EYA2: variants seen among roughly 807,000 people sequenced by gnomAD.
EYA2 encodes the protein EYA transcriptional coactivator and phosphatase 2, also known as protein phosphatase EYA2.
EYA2 carries 31 observed loss-of-function variants against 69.2 expected under a neutral mutation model. That is an observed-to-expected ratio of 0.45 (90% CI 0.34 to 0.60). EYA2 has a LOEUF of 0.60. Among genes scored for constraint, EYA2 ranks in the 20% least tolerant of loss-of-function variants. The probability of loss-of-function intolerance (pLI) is 0.02; values close to 1 mark genes in which losing one functional copy is unlikely to be tolerated. For missense variants in EYA2, 622 were observed against 701.2 expected (o/e 0.89, Z 1.28); for synonymous variants, 257 against 279.4 (o/e 0.92, Z 0.80).
chr20:46,997,077 C>A (rs1409042762), intron 2 of EYA2, among the ~76,000 whole-genome samples: 2 of 152,032 alleles, frequency 1.3e-5, no homozygotes, highest in Admixed American at 1.3e-4. Flanking sequence ...TTCTGTTCCG[C>A]ACAGGTAGAG....
intron 1 of EYA2, among the ~76,000 whole-genome samples, chr20:46,975,602 G>A (rs543049735): frequency 2.0e-5 from 3 of 152,300 alleles, no homozygotes; most frequent in African/African-American, 4.8e-5. Flanking sequence ...ATGGGCCCTT[G>A]TTTTACATGC....
At chr20:46,976,718 A>G (rs918667769) in intron 1 of EYA2, among the ~76,000 whole-genome samples, 1 of 152,198 alleles carries the variant, frequency 6.6e-6, no homozygotes, top group Non-Finnish European at 1.5e-5. Context: ...CTTTCCAATC[A>G]GGGAGTAAAA....
intron 3 of EYA2, 59 bp from the exon 4 acceptor site, chr20:47,004,883 T>C (rs761217749): frequency 6.2e-7 from 1 of 1,613,308 alleles, no homozygotes; most frequent in East Asian, 2.2e-5. Context: ...GATATCAAGA[T>C]AAGGAAGAAG....
intron 11 of EYA2, 55 bp downstream of exon 11, chr20:47,169,252 T>G (rs1006853240): frequency 3.9e-6 from 6 of 1,546,682 alleles, no homozygotes; most frequent in Middle Eastern, 3.3e-4. Context: ...ATTATCAAGT[T>G]ATCCTTCTAC....
chr20:46,903,048 T>TGATA (rs1365760893), intron 1 of EYA2, among the ~76,000 whole-genome samples: 4 of 152,224 alleles, frequency 2.6e-5, no homozygotes, highest in Non-Finnish European at 4.4e-5. Flanking sequence ...CATTGCACAG[T>TGATA]GATAGGGGAA....
At chr20:46,950,845 A>G (rs1978752226) in intron 1 of EYA2, among the ~76,000 whole-genome samples, 1 of 152,212 alleles carries the variant, frequency 6.6e-6, no homozygotes, top group Non-Finnish European at 1.5e-5. Flanking sequence ...AGGTGACTCC[A>G]AGAAACACCA....
chr20:47,125,301 C>T (rs1271895334), intron 9 of EYA2, among the ~76,000 whole-genome samples: 3 of 151,942 alleles, frequency 2.0e-5, no homozygotes, highest in South Asian at 2.1e-4. Flanking sequence ...GTGATCCGCC[C>T]GCCTCGGCCT....
intron 9 of EYA2, among the ~76,000 whole-genome samples, chr20:47,116,036 G>A (rs998745189): frequency 1.3e-5 from 2 of 152,136 alleles, no homozygotes; most frequent in Non-Finnish European, 2.9e-5. Flanking sequence ...CCTTAGGGAC[G>A]CTTCCCAATC....
Position 47,183,400 on chromosome 20 carries a change from T to C in EYA2, c.1536+9T>C. Reference sequence around the variant, plus strand: ...AGCAAGGAGCGAAAAAGGTACTTCTTCCACCTCTCAGACTGCGTTTTCCTG... The same window carrying C: ...AGCAAGGAGCGAAAAAGGTACTTCTCCCACCTCTCAGACTGCGTTTTCCTG... On this transcript the variant is annotated intron_variant, in intron 15 of 15. Coordinates refer to ENST00000327619, the MANE Select transcript of EYA2 (RefSeq NM_005244.5). 1 of 1,613,446 alleles carries C rather than the reference T, an allele frequency of 6.2e-7. No individual in the cohort carries two copies.
chr20:47,149,101 T>C (rs192462368), intron 10 of EYA2, among the ~76,000 whole-genome samples: 1 of 151,872 alleles, frequency 6.6e-6, no homozygotes, highest in Non-Finnish European at 1.5e-5. Flanking sequence ...AAAAAACAAG[T>C]ATTATTTATG....
chr20:47,157,990 C>T (rs1414650712), intron 10 of EYA2, among the ~76,000 whole-genome samples: 1 of 151,962 alleles, frequency 6.6e-6, no homozygotes, highest in Non-Finnish European at 1.5e-5. Context: ...GGACAAATTG[C>T]GGTCGTCGCT....
chr20:47,004,032 C>T (rs1982537891), intron 3 of EYA2, among the ~76,000 whole-genome samples: 1 of 152,196 alleles, frequency 6.6e-6, no homozygotes, highest in African/African-American at 2.4e-5. Context: ...TGGCAGCACC[C>T]ATAGTATAAA....
chr20:46,982,377 G>A (rs549305189), intron 1 of EYA2, among the ~76,000 whole-genome samples: 10 of 152,268 alleles, frequency 6.6e-5, no homozygotes, highest in Middle Eastern at 3.4e-3. Context: ...CTGCTTTTAA[G>A]ATTAATTTGT....
rs1462593014 is a variant in EYA2 at position 47,084,826 on chromosome 20, GTTTC to G, written c.662-4405_662-4402del. ...AACCACTATGGAAAATAATTCATCT[GTTTC>G]TTTCTTTTTTTTTTTTTTTTTTTGA... On this transcript the variant is annotated intron_variant, in intron 7 of 15. Transcript: ENST00000327619. Among the ~76,000 whole-genome samples, 22 of 135,546 alleles carry G rather than the reference GTTTC, an allele frequency of 1.6e-4. No homozygotes were observed. In the South Asian group the frequency reaches 2.5e-3, roughly 15 times the overall value. The allele number at this position is 135,546 out of a possible 152,430, so 88.9% of individuals were successfully genotyped here. A position where few individuals can be genotyped will look rare whatever the true frequency, so the allele number is the denominator to read the frequency against.
chr20:46,963,375 T>C lies in EYA2; in HGVS notation c.-10-26626T>C, dbSNP rs552560756. Among the ~76,000 whole-genome samples the C allele has an allele frequency of 7.9e-5, 12 of 152,298 alleles. No homozygotes were observed. The South Asian group carries it at 2.5e-3, about 32-fold the overall frequency. On this transcript the variant is annotated intron_variant, in intron 1 of 15. Transcript: ENST00000327619. ...CATCAGTCAGTCGTCAAAAAAGAAA[T>C]GTACTGAGTAGCTGCTGTGTGCCAG...
chr20:47,052,063 C>G (rs116252385), intron 5 of EYA2, among the ~76,000 whole-genome samples: 2,367 of 152,092 alleles, frequency 0.016, 49 homozygotes, highest in African/African-American at 0.054. Context: ...TTTTTCCCCC[C>G]AGAAATTATT....
At chr20:46,956,849 G>A (rs1979153971) in intron 1 of EYA2, among the ~76,000 whole-genome samples, 1 of 152,204 alleles carries the variant, frequency 6.6e-6, no homozygotes, top group Admixed American at 6.5e-5. Flanking sequence ...ATCATGAAAG[G>A]CAAAAGGCAT....
intron 1 of EYA2, among the ~76,000 whole-genome samples, chr20:46,904,631 C>T (rs1310487157): frequency 1.3e-5 from 2 of 152,154 alleles, no homozygotes; most frequent in Admixed American, 6.5e-5. Flanking sequence ...CTCCCCTCAA[C>T]AAGCCTTAAT....
At chr20:47,021,852 A>T (rs1006095129) in intron 5 of EYA2, among the ~76,000 whole-genome samples, 3 of 152,000 alleles carry the variant, frequency 2.0e-5, no homozygotes, top group Non-Finnish European at 4.4e-5. Flanking sequence ...CCGAGACTGG[A>T]TTGTGTTGGA....
Sources: allele counts gnomAD v4.1 joint callset (sites outside exome capture counted in the v4.1 genomes callset), GRCh38; gene constraint gnomAD v4.1.1; transcripts MANE v1.5; gene names NCBI Gene and HGNC (gene_info 2026-07-23, HGNC 2026-07-21).